Variants in SLC6A18 observed in about 807,000 individuals in gnomAD.
The protein encoded by SLC6A18 is solute carrier family 6 member 18.
In SLC6A18, 58 loss-of-function variants were observed where a neutral mutation model predicts 62.9. The ratio of observed to expected loss-of-function variants is 0.92; its 90% CI spans 0.75 to 1.15. The LOEUF is 1.15. Among genes scored for constraint, SLC6A18 ranks in the 50% most tolerant of loss-of-function variants. SLC6A18 has a pLI of 0.00. For missense variants in SLC6A18, 793 were observed against 836.6 expected, an observed-to-expected ratio of 0.95 and a Z score of 0.64; for synonymous variants, 382 against 365.8, an observed-to-expected ratio of 1.04 and a Z score of -0.51.
At chr5:1,233,771 TTG>T (rs1268159552) in intron 3 of SLC6A18, among the ~76,000 whole-genome samples, 1 of 138,280 alleles carries the variant, frequency 7.2e-6, no homozygotes, top group African/African-American at 2.5e-5. Flanking sequence ...AGACGGAGTC[TTG>T]CTCTGTCGCC....
chr5:1,232,926 G>A (rs370189712), intron 3 of SLC6A18, 38 bp downstream of exon 3: 120 of 1,576,716 alleles, frequency 7.6e-5, no homozygotes, highest in Middle Eastern at 1.7e-4. Flanking sequence ...GTCCGTGCAC[G>A]GCCGAGAGAG....
intron 1 of SLC6A18, among the ~76,000 whole-genome samples, chr5:1,227,417 T>C (rs141655247): frequency 6.6e-4 from 101 of 152,334 alleles, no homozygotes; most frequent in Admixed American, 2.0e-3. Context: ...CCGGGTTGCA[T>C]GTCATGAAAC....
intron 4 of SLC6A18, among the ~76,000 whole-genome samples, chr5:1,235,994 A>G (rs1205579800): frequency 1.3e-5 from 2 of 152,226 alleles, no homozygotes; most frequent in African/African-American, 4.8e-5. Context: ...GACAGCATAC[A>G]ATTGGATCTG....
Position 1,225,570 on chromosome 5 carries a change from C to A in SLC6A18, c.93C>A (p.Cys31Ter), listed in dbSNP as rs766638311. 1.4e-5 allele frequency: 22 copies of A among 1,612,210 alleles called. No individual in the cohort carries two copies. Among genetic ancestry groups the A allele is most frequent in the Non-Finnish European group, 1.8e-5 (21 of 1,178,872 alleles). ...WDNKAQYLLS[C>*]TGFAVGLGNI... ...ACAAGGCCCAGTACCTCCTGAGCTG[C>A]ACTGGGTTTGCCGTGGGACTGGGGA... The change falls in exon 1 of 12, where the codon TGC becomes TGA. Residue 31 changes from cysteine (C) to a stop codon, truncating the protein, a stop_gained. Coordinates refer to ENST00000324642, the MANE Select transcript of SLC6A18 (RefSeq NM_182632.3). LOFTEE classifies it high-confidence loss of function.
intron 1 of SLC6A18, among the ~76,000 whole-genome samples, chr5:1,230,633 A>G (rs1746707541): frequency 6.6e-6 from 1 of 152,176 alleles, no homozygotes; most frequent in Admixed American, 6.5e-5. Flanking sequence ...GGTGACACAA[A>G]CCCAGAGCAA....
intron 1 of SLC6A18, among the ~76,000 whole-genome samples, chr5:1,227,023 CCAA>C (rs1269634878): frequency 8.9e-5 from 7 of 78,424 alleles, no homozygotes; most frequent in Non-Finnish European, 1.8e-4. Context: ...GCCGACGCGC[CCAA>C]CGCCTTGCCC....
chr5:1,226,725 C>G (rs1395608980), intron 1 of SLC6A18, among the ~76,000 whole-genome samples: 1 of 152,114 alleles, frequency 6.6e-6, no homozygotes, highest in Non-Finnish European at 1.5e-5. Flanking sequence ...ATGAGAGTCC[C>G]TTTGAAGGCA....
At position 1,244,629 on chromosome 5, in the gene SLC6A18, G is replaced by T. The variant is rs779849528; in HGVS notation, c.1518G>T (p.Trp506Cys). The change falls in exon 11 of 12, where the codon TGG becomes TGT. Residue 506 changes from tryptophan (W) to cysteine (C), a missense_variant. Physicochemically the swap from Trp to Cys is radical, Grantham distance 215 (BLOSUM62 -2). Coordinates refer to ENST00000324642, the MANE Select transcript of SLC6A18 (RefSeq NM_182632.3). ...GMKRFCDDIA[W>C]MTGRRPSPYW... ...GCAGGTTCTGCGATGACATTGCGTG[G>T]ATGACCGGGAGGCGGCCCAGCCCCT... 26 of 1,605,002 alleles carry T rather than the reference G, an allele frequency of 1.6e-5. No individual in the cohort carries two copies. Among genetic ancestry groups the T allele is most frequent in the Non-Finnish European group, 2.2e-5 (26 of 1,173,740 alleles).
chr5:1,239,153 G>A (rs1746982152), intron 5 of SLC6A18, among the ~76,000 whole-genome samples: 1 of 152,244 alleles, frequency 6.6e-6, no homozygotes, highest in African/African-American at 2.4e-5. Context: ...GCCCATGCAG[G>A]AGCTGCTCAA....
chr5:1,229,790 GA>G (rs369506170), intron 1 of SLC6A18, among the ~76,000 whole-genome samples: 200 of 148,584 alleles, frequency 1.3e-3, no homozygotes, highest in African/African-American at 4.8e-3. Context: ...GGGGTGGGGG[GA>G]AGTGATGTTT....
chr5:1,229,276 A>G (rs1281135926), intron 1 of SLC6A18, among the ~76,000 whole-genome samples: 2 of 152,044 alleles, frequency 1.3e-5, no homozygotes, highest in Non-Finnish European at 2.9e-5. Flanking sequence ...CAATTCACAG[A>G]AAACCCTCTC....
In SLC6A18 at chr5:1,244,767, C is replaced by T. The variant is rs1288106422; in HGVS notation, c.1656C>T (p.Tyr552=). Residue 552 remains tyrosine (Y), a splice_region_variant and synonymous_variant, in exon 11 of 12, where the codon TAC becomes TAT. Coordinates refer to ENST00000324642, the MANE Select transcript of SLC6A18 (RefSeq NM_182632.3). Reference sequence around the variant, plus strand: ...GATACAAGGCCTGGAACCCCAAATACGTAGGTCCTTCCGGTGGGAACCTGG... The same window carrying T: ...GATACAAGGCCTGGAACCCCAAATATGTAGGTCCTTCCGGTGGGAACCTGG... The part of the protein sequence containing the change: ...PLRYKAWNPK[Y]ELFPSRQEKL... 15 of 1,599,336 alleles carry T rather than the reference C, an allele frequency of 9.4e-6. No individual in the cohort carries two copies. The highest frequency in any genetic ancestry group is 1.3e-5 in the Non-Finnish European group (15 of 1,169,120).
rs1231257930 is a variant in SLC6A18, at chr5:1,241,939, C to T, written c.975-768C>T. ...GCTAGAAGTGAGGGGAGCGAGGTCT[C>T]TCTCTTCAGGATTGTTCTAGGAATA... is the stretch of plus-strand genomic sequence containing the variant. On this transcript the variant is annotated intron_variant, in intron 7 of 11. Transcript: ENST00000324642. The surrounding 1 kb of genome is among the most constrained non-coding windows in gnomAD (Gnocchi z 7.8). Among the ~76,000 whole-genome samples, 1 of 152,220 alleles carries T rather than the reference C, an allele frequency of 6.6e-6. No individual in the cohort carries two copies. The highest frequency in any genetic ancestry group is 6.5e-5 in the Admixed American group (1 of 15,290).
chr5:1,233,811 G>T (rs1285089285), intron 3 of SLC6A18, among the ~76,000 whole-genome samples: 2 of 150,944 alleles, frequency 1.3e-5, no homozygotes, highest in Non-Finnish European at 2.9e-5. Context: ...GTGCTATCTT[G>T]GCTCACTGCA....
chr5:1,235,398 G>A (rs985028192), intron 3 of SLC6A18, 83 bp from the exon 4 acceptor site: 1 of 1,419,424 alleles, frequency 7.0e-7, no homozygotes, highest in Non-Finnish European at 9.7e-7. Context: ...GTTGTGAGCA[G>A]CCCAGGGAAA....
Position 1,245,185 on chromosome 5 carries a change from C to T in SLC6A18, c.1656+418C>T, listed in dbSNP as rs531300041. Among the ~76,000 whole-genome samples, 313 of 152,318 alleles carry T rather than the reference C, an allele frequency of 2.1e-3. 3 individuals are homozygous for T. The highest frequency in any genetic ancestry group is 7.2e-3 in the African/African-American group (298 of 41,566). On this transcript the variant is annotated intron_variant, in intron 11 of 11. Coordinates refer to ENST00000324642, the MANE Select transcript of SLC6A18 (RefSeq NM_182632.3). ...GGTCTGTGACAAGAGAGGTTGTGCA[C>T]AGACCCCTACTGCCACCCAGTGGGT...
At position 1,244,393 on chromosome 5, in the gene SLC6A18, A is replaced by C. The variant is rs780223137; in HGVS notation, c.1496+20A>C. 1.9e-6 allele frequency: 3 copies of C among 1,613,244 alleles called. No individual in the cohort carries two copies. In the East Asian group the frequency reaches 6.7e-5, roughly 36 times the overall value. On this transcript the variant is annotated intron_variant, in intron 10 of 11. Transcript: ENST00000324642. The stretch of plus-strand genomic sequence containing the variant: ...GAAACGGTGAGCTGCCGCCCCGCCG[A>C]GTGCTCCTCTGGGACCCACCAGGGT...
In SLC6A18 at chr5:1,242,776, C is replaced by G. The variant is rs764244944; in HGVS notation, c.1044C>G (p.Ala348=). The change falls in exon 8 of 12, where the codon GCC becomes GCG. Residue 348 remains alanine, a synonymous_variant. Transcript: ENST00000324642. ...EQSISRDDYP[A]VLMHLNATWP... is the part of the protein sequence containing the mutation. ...GCATCTCCAGGGACGACTACCCAGCCGTCCTCATGCACCTGAACGCCACCT... is the reference window on the plus strand; with the variant it reads ...GCATCTCCAGGGACGACTACCCAGCGGTCCTCATGCACCTGAACGCCACCT... 6.2e-7 allele frequency: 1 copy of G among 1,614,046 alleles called. No homozygotes were observed. The highest frequency in any genetic ancestry group is 8.5e-7 in the Non-Finnish European group (1 of 1,179,916).
Position 1,235,506 on chromosome 5 carries a change from C to T in SLC6A18, c.465C>T (p.Ser155=). 1 of 1,613,986 alleles carries T rather than the reference C, an allele frequency of 6.2e-7. No homozygotes were observed. The highest frequency in any genetic ancestry group is 8.5e-7 in the Non-Finnish European group (1 of 1,179,986). The change falls in exon 4 of 12, where the codon AGC becomes AGT. Residue 155 remains serine (S), a synonymous_variant. Transcript: ENST00000324642. ...RTGFVEECQG[S]SAVSYFWYRQ... ...GGTTTGTGGAGGAGTGCCAGGGCAG[C>T]AGCGCCGTGAGCTACTTCTGGTACC...
Sources: gnomAD v4.1 joint callset for allele counts (sites outside exome capture counted in the v4.1 genomes callset) on GRCh38, gnomAD v4.1.1 for gene constraint, Gnocchi (gnomAD v3.1) non-coding constraint, MANE v1.5 for transcripts, NCBI Gene and HGNC (gene_info 2026-07-23, HGNC 2026-07-21) for gene names.